VAV3: variants seen among roughly 807,000 people sequenced by gnomAD.
VAV3 encodes the protein vav guanine nucleotide exchange factor 3, also known as guanine nucleotide exchange factor VAV3.
In VAV3, 94 loss-of-function variants were observed where a neutral mutation model predicts 131.2. The ratio of observed to expected loss-of-function variants is 0.72; its 90% CI spans 0.61 to 0.85. VAV3 has a LOEUF of 0.85. VAV3 is among the 40% of genes least tolerant of loss of function. The probability of loss-of-function intolerance (pLI) is 0.00; values close to 1 mark genes in which losing one functional copy is unlikely to be tolerated. For synonymous variants in VAV3, 349 were observed against 342.0 expected (o/e 1.02, Z -0.22); for missense variants, 939 against 1,002.7 (o/e 0.94, Z 0.86).
chr1:107,576,480 G>A (rs746014372), intron 25 of VAV3: 5 of 1,500,196 alleles, frequency 3.3e-6, no homozygotes, highest in Non-Finnish European at 4.4e-6. Flanking sequence ...AGGGGGCTTT[G>A]AGAAAGAAAG....
At chr1:107,942,341 C>A (rs567845265) in intron 1 of VAV3, among the ~76,000 whole-genome samples, 1 of 152,292 alleles carries the variant, frequency 6.6e-6, no homozygotes, top group South Asian at 2.1e-4. Flanking sequence ...CCTCTACTAG[C>A]AGAAATCTTT....
chr1:107,722,452 A>T (rs897012220), intron 15 of VAV3, among the ~76,000 whole-genome samples: 7 of 152,220 alleles, frequency 4.6e-5, no homozygotes, highest in Admixed American at 3.9e-4. Flanking sequence ...AAATTGGAAC[A>T]GCCTTGCTGA....
chr1:107,719,270 A>G (rs988782682), intron 15 of VAV3, among the ~76,000 whole-genome samples: 1 of 152,246 alleles, frequency 6.6e-6, no homozygotes, highest in African/African-American at 2.4e-5. Flanking sequence ...GTGAACAGGT[A>G]ACCTACAGAA....
At chr1:107,792,729 G>T (rs1666357488) in intron 2 of VAV3, among the ~76,000 whole-genome samples, 1 of 152,138 alleles carries the variant, frequency 6.6e-6, no homozygotes, top group Non-Finnish European at 1.5e-5. Flanking sequence ...TTAGCTAGGA[G>T]AAATAATTAA....
chr1:107,846,931 A>G (rs748108418), intron 2 of VAV3, among the ~76,000 whole-genome samples: 1 of 152,220 alleles, frequency 6.6e-6, no homozygotes, highest in Non-Finnish European at 1.5e-5. Context: ...CCTAATAGAC[A>G]TCTACAGAAC....
At chr1:107,930,759 C>G (rs1047487670) in intron 1 of VAV3, among the ~76,000 whole-genome samples, 1 of 152,054 alleles carries the variant, frequency 6.6e-6, no homozygotes. Flanking sequence ...CCACCTAAAC[C>G]CACCGATCAA....
At chr1:107,658,443 T>C (rs1012505891) in intron 19 of VAV3, among the ~76,000 whole-genome samples, 17 of 152,312 alleles carry the variant, frequency 1.1e-4, no homozygotes, top group Non-Finnish European at 2.2e-4. Flanking sequence ...GCATGATTTA[T>C]AATCCTTTGG....
intron 12 of VAV3, 79 bp from the exon 13 acceptor site, chr1:107,751,281 C>G: frequency 9.2e-7 from 1 of 1,088,946 alleles, no homozygotes; most frequent in South Asian, 1.4e-5. Flanking sequence ...GATATTTACT[C>G]AAGACAACTA....
chr1:107,727,488 C>T (rs1026953330), intron 15 of VAV3, among the ~76,000 whole-genome samples: 6 of 152,146 alleles, frequency 3.9e-5, no homozygotes, highest in African/African-American at 7.2e-5. Flanking sequence ...CCTCCAAACA[C>T]CTTTATGAAA....
At chr1:107,845,419 G>C in intron 2 of VAV3, among the ~76,000 whole-genome samples, 2 of 152,104 alleles carry the variant, frequency 1.3e-5, no homozygotes, top group East Asian at 3.9e-4. Context: ...CTCCTTGCCA[G>C]CAAGGGAACA....
At chr1:107,628,879 C>A (rs980269573) in intron 20 of VAV3, among the ~76,000 whole-genome samples, 1 of 152,092 alleles carries the variant, frequency 6.6e-6, no homozygotes, top group Non-Finnish European at 1.5e-5. Flanking sequence ...TCCATTTACC[C>A]TCTTTATGAA....
At chr1:107,874,111 T>C (rs749952078) in intron 2 of VAV3, among the ~76,000 whole-genome samples, 72 of 152,294 alleles carry the variant, frequency 4.7e-4, no homozygotes, top group Admixed American at 1.2e-3. Context: ...CCTCCTTATT[T>C]GCTTATTTTC....
At chr1:107,612,573 T>C (rs1451435951) in intron 21 of VAV3, among the ~76,000 whole-genome samples, 1 of 152,106 alleles carries the variant, frequency 6.6e-6, no homozygotes, top group Non-Finnish European at 1.5e-5. Context: ...AATCACAGGG[T>C]TGATCTCCCT....
chr1:107,801,840 T>C (rs1018986756), intron 2 of VAV3, among the ~76,000 whole-genome samples: 1 of 152,174 alleles, frequency 6.6e-6, no homozygotes, highest in African/African-American at 2.4e-5. Context: ...GAAGTTTTTC[T>C]TTTAACAGAA....
In VAV3 at chr1:107,591,031, A is replaced by G. The variant is rs1048308646; in HGVS notation, c.2350+5181T>C. ...AATCCACTTACTATACTCACAACAC[A>G]TTGGTCCTTTTTCAGTTCCTTAAAA... On this transcript the variant is annotated intron_variant, in intron 25 of 26. Coordinates refer to ENST00000370056, the MANE Select transcript of VAV3 (RefSeq NM_006113.5). Among the ~76,000 whole-genome samples the G allele has an allele frequency of 2.0e-5, 3 of 152,246 alleles. No individual in the cohort carries two copies. In the South Asian group the frequency reaches 6.2e-4, roughly 32 times the overall value.
At chr1:107,735,146 T>G (rs1358887338) in intron 15 of VAV3, among the ~76,000 whole-genome samples, 1 of 152,220 alleles carries the variant, frequency 6.6e-6, no homozygotes, top group Non-Finnish European at 1.5e-5. Flanking sequence ...ATAAACATGT[T>G]CTTTGAAACC....
chr1:107,809,153 T>C (rs1310932591), intron 2 of VAV3, among the ~76,000 whole-genome samples: 1 of 152,198 alleles, frequency 6.6e-6, no homozygotes, highest in Non-Finnish European at 1.5e-5. Context: ...ATGTTATTCT[T>C]GGCAACTGAA....
At chr1:107,721,366 A>G (rs1661487285) in intron 15 of VAV3, among the ~76,000 whole-genome samples, 1 of 152,186 alleles carries the variant, frequency 6.6e-6, no homozygotes, top group Non-Finnish European at 1.5e-5. Flanking sequence ...TGAGAATAAC[A>G]TGGCCAATAA....
intron 17 of VAV3, among the ~76,000 whole-genome samples, chr1:107,688,680 T>A (rs1659205010): frequency 6.6e-6 from 1 of 152,188 alleles, no homozygotes; most frequent in Non-Finnish European, 1.5e-5. Context: ...ATGTCAGTCC[T>A]ACCACATAAA....
Sources: gnomAD v4.1 joint callset for allele counts (sites outside exome capture counted in the v4.1 genomes callset) on GRCh38, gnomAD v4.1.1 for gene constraint, MANE v1.5 for transcripts, NCBI Gene and HGNC (gene_info 2026-07-23, HGNC 2026-07-21) for gene names.